The following SSBP4 variants were observed in gnomAD, a reference collection of about 807,000 sequenced individuals.
SSBP4 encodes single-stranded DNA-binding protein 4.
A neutral mutation model predicts 64.6 loss-of-function variants in SSBP4; 33 were observed. The observed-to-expected ratio is 0.51, with a 90% CI of 0.39 to 0.68. The LOEUF (loss-of-function observed/expected upper bound fraction) is 0.68. SSBP4 is among the 30% of genes least tolerant of loss of function. The pLI is 0.00. For synonymous variants in SSBP4, 243 were observed against 224.0 expected (o/e 1.08, Z -0.76); for missense variants, 583 against 566.8 (o/e 1.03, Z -0.29).
At chr19:18,407,408 G>GT in the SSBP4 span, among the ~76,000 whole-genome samples, 15 of 151,580 alleles carry the variant, frequency 9.9e-5, no homozygotes, top group Admixed American at 5.9e-4. Context: ...TTATAGTAAT[G>GT]TTTTTTTTGT....
In SSBP4 at chr19:18,433,693, A is replaced by C; in HGVS notation, c.1021-17A>C. 1 of 1,379,078 alleles carries C rather than the reference A, an allele frequency of 7.3e-7. No individual in the cohort carries two copies. The highest frequency in any genetic ancestry group is 9.3e-7 in the Non-Finnish European group (1 of 1,071,876). 85.4% of individuals were successfully genotyped at this position (1,379,078 alleles called of 1,614,324 possible). A position where few individuals can be genotyped will look rare whatever the true frequency, so the allele number is the denominator to read the frequency against. On this transcript the variant is annotated splice_polypyrimidine_tract_variant and intron_variant, in intron 16 of 17. Coordinates refer to ENST00000270061, the MANE Select transcript of SSBP4 (RefSeq NM_032627.5). ...GGGCGGGGCGGGGAGTTGCGAGCCGACGGCGGCCGCCCCCAGAGTTCCCCC... is the reference window on the plus strand; with the variant it reads ...GGGCGGGGCGGGGAGTTGCGAGCCGCCGGCGGCCGCCCCCAGAGTTCCCCC...
intron 4 of SSBP4, among the ~76,000 whole-genome samples, chr19:18,429,466 G>A (rs530225768): frequency 8.1e-6 from 1 of 123,086 alleles, no homozygotes; most frequent in Non-Finnish European, 1.6e-5. Flanking sequence ...CGGGTCGCAG[G>A]GGGCGGGGGG....
chr19:18,432,424 G>T, intron 10 of SSBP4, 135 bp from the exon 11 acceptor site: 1 of 1,377,188 alleles, frequency 7.3e-7, no homozygotes, highest in Non-Finnish European at 9.9e-7. Context: ...AGCTCATGGT[G>T]GCCACTTTTC....
At chr19:18,424,636 C>G (rs1972715871) in intron 1 of SSBP4, among the ~76,000 whole-genome samples, 1 of 151,744 alleles carries the variant, frequency 6.6e-6, no homozygotes, top group Non-Finnish European at 1.5e-5. Flanking sequence ...GGAGGGGACT[C>G]TGTCGTAATC....
chr19:18,413,062 G>A, the SSBP4 span, among the ~76,000 whole-genome samples: 222 of 152,102 alleles, frequency 1.5e-3, 1 homozygote, highest in African/African-American at 4.7e-3. Flanking sequence ...GCTCAGCCCC[G>A]CCTGGGACAG....
At chr19:18,430,180 C>T (rs775027652) in intron 4 of SSBP4, among the ~76,000 whole-genome samples, 2 of 152,132 alleles carry the variant, frequency 1.3e-5, no homozygotes, top group Non-Finnish European at 2.9e-5. Flanking sequence ...AGACGTGTTC[C>T]TCTGCCCTCA....
In SSBP4 at chr19:18,427,857, G is replaced by A; in HGVS notation, c.195-41G>A. On this transcript the variant is annotated intron_variant, in intron 3 of 17. Coordinates refer to ENST00000270061, the MANE Select transcript of SSBP4 (RefSeq NM_032627.5). The surrounding 1 kb of genome is among the most constrained non-coding windows in gnomAD (Gnocchi z 4.4). ...TGGGTGGGCTGTGGAAGGGGGTTGA[G>A]GGAGGCACGTGGAGCAACCATCTTC... 1 of 1,613,872 alleles carries A rather than the reference G, an allele frequency of 6.2e-7. No homozygotes were observed. The highest frequency in any genetic ancestry group is 8.5e-7 in the Non-Finnish European group (1 of 1,179,832).
intron 1 of SSBP4, 120 bp downstream of exon 1, chr19:18,419,827 C>T: frequency 1.5e-6 from 1 of 657,282 alleles, no homozygotes; most frequent in Non-Finnish European, 2.0e-6. Flanking sequence ...TGAGCGCGCT[C>T]GAGGGGTCGC....
chr19:18,424,811 G>T (rs1235365680), intron 1 of SSBP4, among the ~76,000 whole-genome samples: 1 of 151,372 alleles, frequency 6.6e-6, no homozygotes, highest in Non-Finnish European at 1.5e-5. Flanking sequence ...CGCCACCAGA[G>T]GCTCCTTGGA....
upstream of SSBP4, among the ~76,000 whole-genome samples, chr19:18,416,501 G>C (rs1196595072): frequency 6.6e-6 from 1 of 152,070 alleles, no homozygotes; most frequent in Non-Finnish European, 1.5e-5. Flanking sequence ...TCTTAAAATC[G>C]TGACGTAGAT....
rs573235736 is a variant in SSBP4 at position 18,419,805 on chromosome 19, G to A, written c.59+98G>A. On this transcript the variant is annotated intron_variant, in intron 1 of 17. Transcript: ENST00000270061. ...CGGGGCACGTGGGCGCGGGCGGCGG[G>A]GAGCGCGAGCCTGAGCGCGCTCGAG... 36 of 942,944 alleles carry A rather than the reference G, an allele frequency of 3.8e-5. No homozygotes were observed. The African/African-American group carries it at 6.4e-4, about 17-fold the overall frequency. 58.4% of individuals were successfully genotyped at this position (942,944 alleles called of 1,614,324 possible).
chr19:18,413,484 G>A, the SSBP4 span, among the ~76,000 whole-genome samples: 5 of 152,108 alleles, frequency 3.3e-5, no homozygotes, highest in African/African-American at 9.7e-5. Flanking sequence ...AAAGTGCTGG[G>A]ATTACAGGCG....
chr19:18,425,580 G>C (rs1045704298), intron 1 of SSBP4, among the ~76,000 whole-genome samples: 11 of 151,776 alleles, frequency 7.2e-5, no homozygotes, highest in Non-Finnish European at 1.6e-4. Context: ...ACAGAAGTGA[G>C]CTAGACAGGT....
At chr19:18,402,909 A>G in the SSBP4 span, among the ~76,000 whole-genome samples, 3 of 152,106 alleles carry the variant, frequency 2.0e-5, no homozygotes, top group Non-Finnish European at 4.4e-5. Flanking sequence ...GCTGAGGAGG[A>G]TTAGTAAAAG....
Position 18,419,652 on chromosome 19 carries a change from T to C in SSBP4, c.4T>C (p.Tyr2His). 8.0e-7 allele frequency: 1 copy of C among 1,255,958 alleles called. No homozygotes were observed. 77.8% of individuals were successfully genotyped at this position (1,255,958 alleles called of 1,614,324 possible). A position where few individuals can be genotyped will look rare whatever the true frequency, so the allele number is the denominator to read the frequency against. MYAKGGKGSAVP... is the reference protein window; with the variant it reads MHAKGGKGSAVP... ...GGCGGCGGCGGCGTGGAGCAGCATG[T>C]ACGCCAAGGGGGGCAAGGGTTCGGC... Residue 2 changes from tyrosine to histidine, a missense_variant, in exon 1 of 18, where the codon TAC (tyrosine) becomes CAC (histidine). Physicochemically the swap from Tyr to His is moderately conservative, Grantham distance 83. Coordinates refer to ENST00000270061, the MANE Select transcript of SSBP4 (RefSeq NM_032627.5).
the SSBP4 span, among the ~76,000 whole-genome samples, chr19:18,404,593 C>CAA: frequency 0.34 from 24,681 of 72,566 alleles, 3,541 homozygotes; most frequent in African/African-American, 0.38. Context: ...GACTCTGTCT[C>CAA]AAAAAAAAAA....
rs761147246 is a variant in SSBP4 at position 18,427,842 on chromosome 19, G to A, written c.194+29G>A. On this transcript the variant is annotated intron_variant, in intron 3 of 17. Coordinates refer to ENST00000270061, the MANE Select transcript of SSBP4 (RefSeq NM_032627.5). This position sits in a 1 kb window ranked among gnomAD's most constrained non-coding sequence, Gnocchi z 4.4. Reference sequence around the variant, plus strand: ...CGGGCTGGGCTGCTGTGGGTGGGCTGTGGAAGGGGGTTGAGGGAGGCACGT... The same window carrying A: ...CGGGCTGGGCTGCTGTGGGTGGGCTATGGAAGGGGGTTGAGGGAGGCACGT... 2.5e-6 allele frequency: 4 copies of A among 1,613,546 alleles called. No homozygotes were observed. Among genetic ancestry groups the A allele is most frequent in the Non-Finnish European group, 3.4e-6 (4 of 1,179,532 alleles).
At chr19:18,432,283 T>C in intron 10 of SSBP4, 69 bp downstream of exon 10, 1 of 1,577,892 alleles carries the variant, frequency 6.3e-7, no homozygotes, top group Non-Finnish European at 8.7e-7. Context: ...CTGGGTCAGC[T>C]GGGGCAGGTC....
At chr19:18,421,929 G>A (rs531611993) in intron 1 of SSBP4, among the ~76,000 whole-genome samples, 6 of 152,358 alleles carry the variant, frequency 3.9e-5, no homozygotes, top group African/African-American at 1.4e-4. Flanking sequence ...GGGAGGCCAA[G>A]GTGGGTGGAT....
Sources: gnomAD v4.1 joint callset for allele counts (sites outside exome capture counted in the v4.1 genomes callset) on GRCh38, gnomAD v4.1.1 for gene constraint, Gnocchi (gnomAD v3.1) non-coding constraint, MANE v1.5 for transcripts, NCBI Gene and HGNC (gene_info 2026-07-23, HGNC 2026-07-21) for gene names.